Variants in MID1 observed in about 807,000 individuals in gnomAD.
The protein encoded by MID1 is midline 1.
Under a neutral mutation model 40.4 loss-of-function variants are expected in MID1, and 7 were observed. The ratio of observed to expected loss-of-function variants is 0.17; its 90% CI spans 0.10 to 0.33. The LOEUF is 0.33. Ranked by LOEUF, MID1 falls within the 10% of genes least tolerant of loss-of-function variation. The probability of loss-of-function intolerance (pLI) is 1.00; values close to 1 mark genes in which losing one functional copy is unlikely to be tolerated. For synonymous variants in MID1, 229 were observed against 221.2 expected, an observed-to-expected ratio of 1.04 and a Z score of -0.31; for missense variants, 367 against 558.5, an observed-to-expected ratio of 0.66 and a Z score of 3.46.
chrX:10,788,799 A>T (rs767349164), intron 1 of MID1, among the ~76,000 whole-genome samples: 10 of 112,015 alleles, frequency 8.9e-5, no homozygotes, highest in African/African-American at 3.2e-4. Flanking sequence ...AAGGTTTAGA[A>T]ATCGTTTGCT....
At chrX:10,568,057 G>T (rs1473466808) in intron 1 of MID1, among the ~76,000 whole-genome samples, 1 of 111,410 alleles carries the variant, frequency 9.0e-6, no homozygotes, top group Non-Finnish European at 1.9e-5. Flanking sequence ...GAGATTTAAG[G>T]ACTTTTACTC....
intron 1 of MID1, among the ~76,000 whole-genome samples, chrX:10,714,557 A>G (rs1275266376): frequency 1.8e-5 from 2 of 112,880 alleles, no homozygotes; most frequent in East Asian, 2.8e-4. Context: ...TGTGAGATCT[A>G]CTTTTGTTAA....
rs150399843 is a variant in MID1 at position 10,683,116 on chromosome X, A to T, written c.-186-62697T>A. Among the ~76,000 whole-genome samples, 65 of 112,365 alleles carry T rather than the reference A, an allele frequency of 5.8e-4. No homozygotes were observed. In the East Asian group the frequency reaches 0.012, roughly 20 times the overall value. On this transcript the variant is annotated intron_variant, in intron 1 of 10. Transcript: ENST00000380785. Reference sequence around the variant, plus strand: ...TCCTTGATCTCAACTGAAATCTCTCATACTTTACGTGAGAGCTGTTATTTC... The same window carrying T: ...TCCTTGATCTCAACTGAAATCTCTCTTACTTTACGTGAGAGCTGTTATTTC...
chrX:10,652,759 C>T (rs1351423488), intron 1 of MID1, among the ~76,000 whole-genome samples: 1 of 111,658 alleles, frequency 9.0e-6, no homozygotes, highest in Non-Finnish European at 1.9e-5. Context: ...AGGCTCCCAT[C>T]TCAGGCCTTT....
chrX:10,474,860 T>C (rs558400692), intron 5 of MID1, 110 bp from the exon 6 acceptor site: 2 of 776,145 alleles, frequency 2.6e-6, no homozygotes, highest in South Asian at 2.2e-5. Context: ...AGTGCTTTTT[T>C]ACACATGAGT....
chrX:10,751,089 A>G (rs774046381), intron 1 of MID1, among the ~76,000 whole-genome samples: 1 of 109,773 alleles, frequency 9.1e-6, no homozygotes, highest in East Asian at 2.9e-4. Flanking sequence ...ACATGGCAAA[A>G]CCCCGTCTCT....
rs973957035 is a variant in MID1, at chrX:10,669,144, G to A, written c.-186-48725C>T. On this transcript the variant is annotated intron_variant, in intron 1 of 10. Coordinates refer to the MID1 transcript ENST00000380785. Reference sequence around the variant, plus strand: ...TGAGGCAGGAGAATGGCGTGAACCCGGGAAGCGGAGCTTGCAGTGAGCCGA... The same window carrying A: ...TGAGGCAGGAGAATGGCGTGAACCCAGGAAGCGGAGCTTGCAGTGAGCCGA... Among the ~76,000 whole-genome samples, 190 of 104,338 alleles carry A rather than the reference G, an allele frequency of 1.8e-3. 1 individual carries two copies. Among genetic ancestry groups the A allele is most frequent in the African/African-American group, 6.4e-3 (179 of 27,983 alleles). 90.6% of individuals were successfully genotyped at this position (104,338 alleles called of 115,157 possible).
chrX:10,700,747 A>G (rs2043189432), intron 1 of MID1, among the ~76,000 whole-genome samples: 1 of 111,816 alleles, frequency 8.9e-6, no homozygotes, highest in Non-Finnish European at 1.9e-5. Context: ...ATTAAAGGAG[A>G]ATCAAATTTT....
intron 3 of MID1, among the ~76,000 whole-genome samples, chrX:10,510,547 C>T (rs750260927): frequency 4.0e-4 from 45 of 111,176 alleles, no homozygotes; most frequent in Non-Finnish European, 6.2e-4. Context: ...TATGCTGAAA[C>T]CCAGGCCGGG....
chrX:10,510,403 T>G (rs1254265638), intron 3 of MID1, among the ~76,000 whole-genome samples: 1 of 111,965 alleles, frequency 8.9e-6, no homozygotes, highest in Non-Finnish European at 1.9e-5. Flanking sequence ...TAAACTGCAT[T>G]TATCAATTTA....
intron 1 of MID1, among the ~76,000 whole-genome samples, chrX:10,700,263 A>T (rs1217235090): frequency 8.9e-6 from 1 of 112,017 alleles, no homozygotes; most frequent in Non-Finnish European, 1.9e-5. Flanking sequence ...AGTATAGAAG[A>T]TAGGGTAGCC....
At position 10,757,121 on chromosome X, in the gene MID1, T is replaced by G. The variant is rs1274476313; in HGVS notation, c.-187+76433A>C. On this transcript the variant is annotated intron_variant, in intron 1 of 10. Coordinates refer to the MID1 transcript ENST00000380785. The stretch of plus-strand genomic sequence containing the variant: ...GGGCTTGCCAAAACAGATTGTTGGG[T>G]TTGACCCCGTCAGAATTCCTGACTC... Among the ~76,000 whole-genome samples, 7 of 111,587 alleles carry G rather than the reference T, an allele frequency of 6.3e-5. No individual in the cohort carries two copies. In the Admixed American group the frequency reaches 6.7e-4, roughly 11 times the overall value.
intron 1 of MID1, among the ~76,000 whole-genome samples, chrX:10,767,565 C>T (rs766974848): frequency 7.4e-4 from 83 of 111,677 alleles, no homozygotes; most frequent in Non-Finnish European, 1.4e-3. Flanking sequence ...GTGATCCACC[C>T]GCCTCGGCCT....
intron 1 of MID1, among the ~76,000 whole-genome samples, chrX:10,575,116 T>A (rs1307638262): frequency 1.8e-5 from 2 of 112,556 alleles, no homozygotes; most frequent in Admixed American, 1.9e-4. Flanking sequence ...GTCCTAAATT[T>A]CAGAAACGAA....
chrX:10,774,253 G>A (rs1192717736), intron 1 of MID1, among the ~76,000 whole-genome samples: 1 of 111,013 alleles, frequency 9.0e-6, no homozygotes, highest in African/African-American at 3.3e-5. Flanking sequence ...GCTCCTATGG[G>A]AGATGAAGGA....
intron 1 of MID1, among the ~76,000 whole-genome samples, chrX:10,742,290 A>C (rs780382172): frequency 8.9e-6 from 1 of 111,967 alleles, no homozygotes; most frequent in Non-Finnish European, 1.9e-5. Context: ...GGCATTCAGG[A>C]TTGTGGCCAG....
At chrX:10,581,003 C>T (rs1935003111) in intron 1 of MID1, among the ~76,000 whole-genome samples, 1 of 107,489 alleles carries the variant, frequency 9.3e-6, no homozygotes, top group Non-Finnish European at 1.9e-5. Context: ...AATCCCAGCA[C>T]TGTGGGAGGC....
intron 1 of MID1, among the ~76,000 whole-genome samples, chrX:10,752,927 C>T (rs2043609324): frequency 8.9e-6 from 1 of 112,336 alleles, no homozygotes; most frequent in African/African-American, 3.2e-5. Context: ...TAGTCTCTGG[C>T]CTAAAACCAG....
At chrX:10,794,484 T>G (rs1013231518) in intron 1 of MID1, among the ~76,000 whole-genome samples, 1 of 112,236 alleles carries the variant, frequency 8.9e-6, no homozygotes, top group African/African-American at 3.2e-5. Context: ...AACCATCACA[T>G]AGAAACCAGT....
Sources: allele counts gnomAD v4.1 joint callset (sites outside exome capture counted in the v4.1 genomes callset), GRCh38; gene constraint gnomAD v4.1.1; transcripts MANE v1.5; gene names NCBI Gene and HGNC (gene_info 2026-07-23, HGNC 2026-07-21).